The following HIVEP3 variants were observed in gnomAD, a reference collection of about 807,000 sequenced individuals.
HIVEP3 encodes transcription factor HIVEP3.
In HIVEP3, 49 loss-of-function variants were observed where a neutral mutation model predicts 152.8. That is an observed-to-expected ratio of 0.32 (90% CI 0.26 to 0.41). The LOEUF (loss-of-function observed/expected upper bound fraction) is 0.41. Ranked by LOEUF, HIVEP3 falls within the 10% of genes least tolerant of loss-of-function variation. The pLI, the probability that HIVEP3 is intolerant of heterozygous loss-of-function variation, is 1.00. For missense variants in HIVEP3, 2,790 were observed against 3,103.3 expected, an observed-to-expected ratio of 0.90 and a Z score of 2.40; for synonymous variants, 1,269 against 1,289.0, an observed-to-expected ratio of 0.98 and a Z score of 0.33.
rs376051339 is a variant in HIVEP3 at position 41,529,097 on chromosome 1, C to G, written c.5208-4187G>C. Among the ~76,000 whole-genome samples the G allele has an allele frequency of 2.2e-4, 31 of 141,774 alleles. No individual in the cohort carries two copies. In the East Asian group the frequency reaches 2.8e-3, roughly 13 times the overall value. 93.0% of individuals were successfully genotyped at this position (141,774 alleles called of 152,430 possible). ...CTCACACACATCCTCACCCCACACCCTCACACATGCTCACACCCCCACACG... is the reference window on the plus strand; with the variant it reads ...CTCACACACATCCTCACCCCACACCGTCACACATGCTCACACCCCCACACG... On this transcript the variant is annotated intron_variant, in intron 5 of 8. Coordinates refer to ENST00000372583, the MANE Select transcript of HIVEP3 (RefSeq NM_024503.5).
At chr1:41,523,242 G>A (rs568594322) in intron 6 of HIVEP3, among the ~76,000 whole-genome samples, 182 of 152,350 alleles carry the variant, frequency 1.2e-3, no homozygotes, top group Non-Finnish European at 2.2e-3. Flanking sequence ...CCAGGGCGAC[G>A]CATGCTGGGC....
chr1:41,864,809 G>A (rs923502346), intron 1 of HIVEP3, among the ~76,000 whole-genome samples: 8 of 152,222 alleles, frequency 5.3e-5, no homozygotes, highest in Non-Finnish European at 7.3e-5. Flanking sequence ...TAGGCATAAA[G>A]ACAGAACGAC....
intron 5 of HIVEP3, among the ~76,000 whole-genome samples, chr1:41,547,131 C>T (rs1358824219): frequency 6.6e-6 from 1 of 152,156 alleles, no homozygotes; most frequent in Non-Finnish European, 1.5e-5. Context: ...TGCCCTCAGC[C>T]ACACAGCTAG....
At chr1:41,627,527 C>T (rs1469020131) in intron 3 of HIVEP3, among the ~76,000 whole-genome samples, 4 of 152,136 alleles carry the variant, frequency 2.6e-5, no homozygotes, top group Admixed American at 2.0e-4. Flanking sequence ...GCTGGTAGGC[C>T]CAAGCTGTCA....
At chr1:41,909,499 T>C (rs746586253) in intron 1 of HIVEP3, among the ~76,000 whole-genome samples, 2 of 152,008 alleles carry the variant, frequency 1.3e-5, no homozygotes, top group Non-Finnish European at 2.9e-5. Context: ...TGACAGACCA[T>C]AAGAAGAAAC....
rs748711003 is a variant in HIVEP3 at position 41,666,455 on chromosome 1, C to T, written c.-721+34461G>A. On this transcript the variant is annotated intron_variant, in intron 2 of 8. Transcript: ENST00000372583. ...TGTTACTTGATGTCACTGATCTTGA[C>T]GTTCTCATCTCCAAGGGCTGCTGGG... 5.9e-5 allele frequency among the ~76,000 whole-genome samples: 9 copies of T among 152,160 alleles called. No homozygotes were observed. The South Asian group carries it at 6.2e-4, about 11-fold the overall frequency.
At chr1:41,694,446 G>A (rs147557384) in intron 2 of HIVEP3, among the ~76,000 whole-genome samples, 3 of 152,260 alleles carry the variant, frequency 2.0e-5, no homozygotes, top group Middle Eastern at 3.4e-3. Context: ...GGAGATATTT[G>A]CCGGGTGAAT....
At chr1:41,555,584 C>T (rs1297520369) in intron 5 of HIVEP3, among the ~76,000 whole-genome samples, 10 of 152,192 alleles carry the variant, frequency 6.6e-5, no homozygotes, top group African/African-American at 1.7e-4. Context: ...GCGTCGATCA[C>T]GCTGGGAGCT....
At chr1:41,768,439 T>C (rs1570494140) in intron 1 of HIVEP3, among the ~76,000 whole-genome samples, 1 of 152,322 alleles carries the variant, frequency 6.6e-6, no homozygotes, top group Non-Finnish European at 1.5e-5. Context: ...TTCAAGATGA[T>C]ATTTGGGTGG....
At chr1:41,710,861 T>C (rs1646502837) in intron 1 of HIVEP3, among the ~76,000 whole-genome samples, 1 of 152,230 alleles carries the variant, frequency 6.6e-6, no homozygotes, top group Non-Finnish European at 1.5e-5. Context: ...TGCTAGGTTC[T>C]CAGCTAAGAA....
intron 1 of HIVEP3, among the ~76,000 whole-genome samples, chr1:41,784,602 G>T (rs1649239387): frequency 1.3e-5 from 2 of 152,110 alleles, no homozygotes; most frequent in Admixed American, 6.5e-5. Flanking sequence ...GGATATTTTG[G>T]GATACAGGAG....
At chr1:41,779,182 G>A (rs1485957752) in intron 1 of HIVEP3, among the ~76,000 whole-genome samples, 1 of 152,110 alleles carries the variant, frequency 6.6e-6, no homozygotes, top group Non-Finnish European at 1.5e-5. Context: ...CCCCAACCAG[G>A]TGCATCTCTC....
chr1:41,888,373 G>T (rs563508422), intron 1 of HIVEP3, among the ~76,000 whole-genome samples: 17 of 151,928 alleles, frequency 1.1e-4, no homozygotes, highest in Admixed American at 2.6e-4. Flanking sequence ...ATTTTAAACA[G>T]TCTTTACTAA....
intron 1 of HIVEP3, among the ~76,000 whole-genome samples, chr1:41,766,166 C>G (rs1647997910): frequency 6.6e-6 from 1 of 152,220 alleles, no homozygotes; most frequent in Non-Finnish European, 1.5e-5. Context: ...TGTCTGAAGA[C>G]CAGCACCTGG....
At chr1:41,544,334 C>T (rs955993482) in intron 5 of HIVEP3, 1 of 151,952 alleles carries the variant, frequency 6.6e-6, no homozygotes, top group Non-Finnish European at 1.5e-5. Context: ...TCCTCTTTTT[C>T]AAGTGAGGAA....
chr1:41,814,147 T>A (rs534906528), intron 1 of HIVEP3, among the ~76,000 whole-genome samples: 1 of 152,346 alleles, frequency 6.6e-6, no homozygotes, highest in South Asian at 2.1e-4. Context: ...GAATGGGACC[T>A]TGCTTTTAGG....
At chr1:41,860,320 C>T (rs943237982) in intron 1 of HIVEP3, among the ~76,000 whole-genome samples, 1 of 152,186 alleles carries the variant, frequency 6.6e-6, no homozygotes, top group Non-Finnish European at 1.5e-5. Flanking sequence ...CCTACCACAA[C>T]AAACATGTTC....
In HIVEP3 at chr1:41,585,414, G is replaced by A. The variant is rs148832673; in HGVS notation, c.-521-96C>T. The A allele has an allele frequency of 5.5e-5, 22 of 398,330 alleles. No individual in the cohort carries two copies. In the East Asian group the frequency reaches 6.4e-4, roughly 12 times the overall value. 24.7% of individuals were successfully genotyped at this position (398,330 alleles called of 1,614,324 possible). On this transcript the variant is annotated intron_variant, in intron 3 of 8. Coordinates refer to ENST00000372583, the MANE Select transcript of HIVEP3 (RefSeq NM_024503.5). ...TGCACAGCCTGGGCAGCCCAGACTC[G>A]GTGCCACACCTGGCTGAGACCCCTC...
intron 5 of HIVEP3, among the ~76,000 whole-genome samples, chr1:41,564,729 G>A (rs1057086187): frequency 7.2e-5 from 11 of 152,344 alleles, no homozygotes; most frequent in Non-Finnish European, 1.2e-4. Context: ...TCAGATATGT[G>A]AAGGATCAAA....
Sources: allele counts gnomAD v4.1 joint callset (sites outside exome capture counted in the v4.1 genomes callset), GRCh38; gene constraint gnomAD v4.1.1; transcripts MANE v1.5; gene names NCBI Gene and HGNC (gene_info 2026-07-23, HGNC 2026-07-21).